Variants in FLACC1 observed in about 807,000 individuals in gnomAD.
FLACC1 encodes flagellum associated containing coiled-coil domains 1, also known as flagellum-associated coiled-coil domain-containing protein 1.
In FLACC1, 66 loss-of-function variants were observed where a neutral mutation model predicts 62.8. The ratio of observed to expected loss-of-function variants is 1.05; its 90% CI spans 0.86 to 1.29. The LOEUF (loss-of-function observed/expected upper bound fraction) is 1.29, where lower values mean the gene tolerates loss of function less well. FLACC1 is among the 50% of genes most tolerant of loss of function. The pLI is 0.00. For synonymous variants in FLACC1, 156 were observed against 161.0 expected, an observed-to-expected ratio of 0.97 and a Z score of 0.24; for missense variants, 452 against 489.1, an observed-to-expected ratio of 0.92 and a Z score of 0.71.
At chr2:201,305,903 G>A (rs1950093046) in intron 11 of FLACC1, among the ~76,000 whole-genome samples, 1 of 150,110 alleles carries the variant, frequency 6.7e-6, no homozygotes, top group Non-Finnish European at 1.5e-5. Flanking sequence ...TTGGACACAG[G>A]TTGGGGAACA....
At chr2:201,311,889 T>C (rs1950224105) in intron 9 of FLACC1, among the ~76,000 whole-genome samples, 2 of 152,046 alleles carry the variant, frequency 1.3e-5, no homozygotes, top group Non-Finnish European at 2.9e-5. Context: ...CCCTTCATGA[T>C]AAAAACTCTC....
the FLACC1 span, among the ~76,000 whole-genome samples, chr2:201,362,753 C>A: frequency 6.6e-6 from 1 of 152,126 alleles, no homozygotes; most frequent in Non-Finnish European, 1.5e-5. Flanking sequence ...AAGCAGGGTG[C>A]CATTTTTAAT....
upstream of FLACC1, among the ~76,000 whole-genome samples, chr2:201,358,132 T>C (rs1451676907): frequency 1.3e-5 from 2 of 152,246 alleles, no homozygotes; most frequent in African/African-American, 2.4e-5. Flanking sequence ...CCAGGCACTA[T>C]TGCTAGGTGT....
intron 7 of FLACC1, among the ~76,000 whole-genome samples, chr2:201,339,199 G>A (rs1271033631): frequency 6.6e-6 from 1 of 151,962 alleles, no homozygotes; most frequent in African/African-American, 2.4e-5. Context: ...GTTTGTTAGT[G>A]TTAGTTATAG....
At position 201,344,155 on chromosome 2, in the gene FLACC1, T is replaced by A. The variant is rs369245824; in HGVS notation, c.462+15A>T. On this transcript the variant is annotated intron_variant, in intron 6 of 14. Transcript: ENST00000392257. ...TTTTGTCCATGAAGATGTTAGCTAA[T>A]GTAAGGTCACTCACCAATTTCTGGG... 5 of 1,584,916 alleles carry A rather than the reference T, an allele frequency of 3.2e-6. No homozygotes were observed. The African/African-American group carries it at 6.8e-5, about 21-fold the overall frequency.
intron 12 of FLACC1, among the ~76,000 whole-genome samples, chr2:201,291,284 G>A (rs1949729041): frequency 6.6e-6 from 1 of 152,206 alleles, no homozygotes; most frequent in Non-Finnish European, 1.5e-5. Flanking sequence ...CCCAGTAGGG[G>A]CAGACTGACA....
intron 9 of FLACC1, among the ~76,000 whole-genome samples, chr2:201,310,876 C>G (rs1950204591): frequency 6.6e-6 from 1 of 151,806 alleles, no homozygotes; most frequent in Admixed American, 6.6e-5. Flanking sequence ...AAAGGAAATG[C>G]AAGACCGATA....
intron 11 of FLACC1, among the ~76,000 whole-genome samples, chr2:201,301,529 T>G (rs891345498): frequency 6.6e-6 from 1 of 152,182 alleles, no homozygotes; most frequent in Non-Finnish European, 1.5e-5. Flanking sequence ...CCAGGAGAAC[T>G]TCCCCAACCT....
chr2:201,362,826 T>C, the FLACC1 span, among the ~76,000 whole-genome samples: 87,120 of 151,996 alleles, frequency 0.57, 25,361 homozygotes, highest in South Asian at 0.78. Context: ...GGGTCAGCAA[T>C]TGGAGCACCT....
At chr2:201,293,087 C>A (rs1949775615) in intron 12 of FLACC1, among the ~76,000 whole-genome samples, 1 of 151,954 alleles carries the variant, frequency 6.6e-6, no homozygotes, top group Admixed American at 6.6e-5. Flanking sequence ...ACTTTAACAC[C>A]CCACTGTCAA....
intron 9 of FLACC1, among the ~76,000 whole-genome samples, chr2:201,323,947 A>C (rs1950456152): frequency 6.6e-6 from 1 of 152,118 alleles, no homozygotes; most frequent in Non-Finnish European, 1.5e-5. Flanking sequence ...AACAGAATGA[A>C]AAAAGAAAAG....
intron 14 of FLACC1, 63 bp downstream of exon 14, chr2:201,289,394 C>T (rs1398016360): frequency 2.7e-6 from 4 of 1,489,326 alleles, no homozygotes; most frequent in Non-Finnish European, 3.7e-6. Flanking sequence ...ACCCATTCCT[C>T]ACTCAAACTC....
intron 9 of FLACC1, among the ~76,000 whole-genome samples, chr2:201,318,125 C>A (rs567892852): frequency 1.6e-4 from 24 of 152,256 alleles, no homozygotes; most frequent in Non-Finnish European, 3.4e-4. Flanking sequence ...AAATCTAAGA[C>A]CTGAAAATAT....
chr2:201,302,171 G>C (rs979033080), intron 11 of FLACC1, among the ~76,000 whole-genome samples: 5 of 152,200 alleles, frequency 3.3e-5, no homozygotes, highest in Non-Finnish European at 5.9e-5. Flanking sequence ...CCAGTGTGCT[G>C]TATGCAGGAG....
intron 9 of FLACC1, among the ~76,000 whole-genome samples, chr2:201,315,964 A>G (rs1576438228): frequency 6.6e-6 from 1 of 152,220 alleles, no homozygotes; most frequent in African/African-American, 2.4e-5. Context: ...TGAGTCAACA[A>G]TGAAATCAAG....
intron 9 of FLACC1, among the ~76,000 whole-genome samples, chr2:201,319,604 A>G (rs566749963): frequency 6.6e-6 from 1 of 152,340 alleles, no homozygotes; most frequent in East Asian, 1.9e-4. Context: ...ATATTCACAA[A>G]CTACGCATCT....
At chr2:201,347,423 C>T (rs1323943615) in intron 4 of FLACC1, among the ~76,000 whole-genome samples, 1 of 152,172 alleles carries the variant, frequency 6.6e-6, no homozygotes, top group Admixed American at 6.5e-5. Flanking sequence ...CAGTCTTGCT[C>T]CCCCCACAGT....
intron 9 of FLACC1, among the ~76,000 whole-genome samples, chr2:201,314,420 T>A (rs13019679): frequency 0.13 from 19,864 of 152,126 alleles, 1,590 homozygotes; most frequent in East Asian, 0.24. Flanking sequence ...GCAATAGAAT[T>A]GAGCAAGCAC....
At chr2:201,314,083 T>C (rs1443580737) in intron 9 of FLACC1, among the ~76,000 whole-genome samples, 1 of 152,152 alleles carries the variant, frequency 6.6e-6, no homozygotes. Flanking sequence ...GCCCTAGATC[T>C]TCCCTCTGAC....
Sources: allele counts gnomAD v4.1 joint callset (sites outside exome capture counted in the v4.1 genomes callset), GRCh38; gene constraint gnomAD v4.1.1; transcripts MANE v1.5; gene names NCBI Gene and HGNC (gene_info 2026-07-23, HGNC 2026-07-21).